XYLT1: variants seen among roughly 807,000 people sequenced by gnomAD.
XYLT1 encodes the protein beta-D-xylosyltransferase 1.
A neutral mutation model predicts 91.3 loss-of-function variants in XYLT1; 36 were observed. That is an observed-to-expected ratio of 0.39 (90% confidence interval 0.30 to 0.52). The LOEUF (loss-of-function observed/expected upper bound fraction) is 0.52, where lower values mean the gene tolerates loss of function less well. XYLT1 is among the 20% of genes least tolerant of loss of function. The pLI is 0.68. For synonymous variants in XYLT1, 588 were observed against 532.0 expected (o/e 1.11, Z -1.45); for missense variants, 1,242 against 1,284.5 (o/e 0.97, Z 0.51).
Position 17,109,025 on chromosome 16 carries a change from C to G in XYLT1, c.2558-8G>C, listed in dbSNP as rs372238772. ...GCAGCTTCAGTGCCTCCTCTGAAAG[C>G]CAAAGGGAACAATTTCAGGATCAGA... On this transcript the variant is annotated splice_polypyrimidine_tract_variant and splice_region_variant and intron_variant, in intron 11 of 11. Transcript: ENST00000261381. 3.3e-6 allele frequency: 5 copies of G among 1,499,026 alleles called. No individual in the cohort carries two copies. Among genetic ancestry groups the G allele is most frequent in the Non-Finnish European group, 4.5e-6 (5 of 1,121,478 alleles). The allele number at this position is 1,499,026 out of a possible 1,614,324, so 92.9% of individuals were successfully genotyped here. A position where few individuals can be genotyped will look rare whatever the true frequency, so the allele number is the denominator to read the frequency against.
chr16:17,212,881 C>T (rs1170079014), intron 3 of XYLT1, among the ~76,000 whole-genome samples: 3 of 152,226 alleles, frequency 2.0e-5, no homozygotes, highest in South Asian at 2.1e-4. Context: ...GAAAACGCTG[C>T]GCTGTGGCCT....
chr16:17,338,556 A>G (rs1215152660), intron 2 of XYLT1: 1 of 455,082 alleles, frequency 2.2e-6, no homozygotes, highest in Non-Finnish European at 4.4e-6. Context: ...CAATATTTTC[A>G]TCTCTGTTCT....
chr16:17,469,194 A>G (rs1042359453), intron 1 of XYLT1, among the ~76,000 whole-genome samples: 9 of 152,248 alleles, frequency 5.9e-5, no homozygotes, highest in African/African-American at 1.9e-4. Flanking sequence ...CAGCTCAGAA[A>G]GCATCACGCT....
chr16:17,169,521 G>A (rs889302567), intron 5 of XYLT1, among the ~76,000 whole-genome samples: 1 of 152,194 alleles, frequency 6.6e-6, no homozygotes. Context: ...CTATCAATGA[G>A]AACTCTTAAC....
chr16:17,358,308 A>G (rs1244115041), intron 1 of XYLT1, among the ~76,000 whole-genome samples: 4 of 151,822 alleles, frequency 2.6e-5, no homozygotes, highest in Non-Finnish European at 5.9e-5. Context: ...TTTTTTAAAA[A>G]ATTATTTTTG....
At chr16:17,219,021 C>T (rs189299164) in intron 3 of XYLT1, among the ~76,000 whole-genome samples, 10 of 152,188 alleles carry the variant, frequency 6.6e-5, no homozygotes, top group African/African-American at 2.4e-4. Context: ...GTGGCTCATG[C>T]CTGTAATCCC....
chr16:17,110,001 T>C (rs1966831440), intron 11 of XYLT1, among the ~76,000 whole-genome samples: 1 of 152,200 alleles, frequency 6.6e-6, no homozygotes, highest in Admixed American at 6.5e-5. Flanking sequence ...GCTGCCTTGC[T>C]GGGCCCCTCC....
At chr16:17,438,168 T>C (rs2036484932) in intron 1 of XYLT1, among the ~76,000 whole-genome samples, 1 of 152,138 alleles carries the variant, frequency 6.6e-6, no homozygotes, top group South Asian at 2.1e-4. Context: ...AATTCTAGAA[T>C]TTCCCCACAG....
At chr16:17,204,174 T>G (rs772166649) in intron 3 of XYLT1, among the ~76,000 whole-genome samples, 1 of 152,138 alleles carries the variant, frequency 6.6e-6, no homozygotes, top group African/African-American at 2.4e-5. Flanking sequence ...ATATAGAGGA[T>G]AGGTGTAAGG....
At chr16:17,338,703 G>A (rs562318949) in intron 2 of XYLT1, 5 of 357,418 alleles carry the variant, frequency 1.4e-5, no homozygotes, top group African/African-American at 8.5e-5. Context: ...TCCCGTCTCA[G>A]CTTCCAAAGT....
At chr16:17,119,525 TAGG>T (rs775423947) in intron 10 of XYLT1, among the ~76,000 whole-genome samples, 1 of 152,220 alleles carries the variant, frequency 6.6e-6, no homozygotes, top group Non-Finnish European at 1.5e-5. Flanking sequence ...GCAGGGGAAA[TAGG>T]AGCTGATCTA....
chr16:17,434,715 A>C (rs1473278835), intron 1 of XYLT1, among the ~76,000 whole-genome samples: 1 of 152,118 alleles, frequency 6.6e-6, no homozygotes. Flanking sequence ...TGATAATTAC[A>C]AAATTAGCCA....
chr16:17,380,337 C>A (rs1044932166), intron 1 of XYLT1, among the ~76,000 whole-genome samples: 1 of 152,132 alleles, frequency 6.6e-6, no homozygotes, highest in Middle Eastern at 3.4e-3. Flanking sequence ...GTGGTTGGAG[C>A]GAGATGTGCC....
rs774858252 is a variant in XYLT1 at position 17,338,223 on chromosome 16, G to A, written c.402+19789C>T. ...CTCACTTCTGCAATCCATTCCCCAC[G>A]AAGCAGCCAGAGTGATCATCTCAAA... is the stretch of plus-strand genomic sequence containing the variant. On this transcript the variant is annotated intron_variant, in intron 2 of 11. Coordinates refer to ENST00000261381, the MANE Select transcript of XYLT1 (RefSeq NM_022166.4). 13 of 456,248 alleles carry A rather than the reference G, an allele frequency of 2.8e-5. 1 individual carries two copies. The highest frequency in any genetic ancestry group is 6.9e-5 in the East Asian group (1 of 14,396). 28.3% of individuals were successfully genotyped at this position (456,248 alleles called of 1,614,324 possible).
At chr16:17,267,256 A>G (rs1021869909) in intron 2 of XYLT1, among the ~76,000 whole-genome samples, 1 of 152,202 alleles carries the variant, frequency 6.6e-6, no homozygotes, top group Non-Finnish European at 1.5e-5. Context: ...TACTTTGCAA[A>G]TGTAAGGTGG....
intron 1 of XYLT1, among the ~76,000 whole-genome samples, chr16:17,368,790 C>A (rs984249583): frequency 3.9e-5 from 6 of 151,998 alleles, no homozygotes; most frequent in African/African-American, 1.4e-4. Context: ...TCCTATGTTG[C>A]CCAGGCTGGT....
At chr16:17,129,041 C>T (rs1412628672) in intron 9 of XYLT1, among the ~76,000 whole-genome samples, 4 of 131,126 alleles carry the variant, frequency 3.1e-5, no homozygotes, top group African/African-American at 5.5e-5. Context: ...AAATCATTGC[C>T]TTGTTACTGG....
intron 2 of XYLT1, among the ~76,000 whole-genome samples, chr16:17,305,541 G>A (rs1035333926): frequency 4.5e-4 from 68 of 150,964 alleles, no homozygotes; most frequent in South Asian, 2.1e-4. Context: ...TCAGCCTCCC[G>A]AGTAGCTAGG....
At chr16:17,206,538 A>G (rs2032648880) in intron 3 of XYLT1, among the ~76,000 whole-genome samples, 1 of 152,062 alleles carries the variant, frequency 6.6e-6, no homozygotes, top group Admixed American at 6.6e-5. Context: ...AATCTCAAAG[A>G]CTAGTAACGC....
Sources: gnomAD v4.1 joint callset for allele counts (sites outside exome capture counted in the v4.1 genomes callset) on GRCh38, gnomAD v4.1.1 for gene constraint, MANE v1.5 for transcripts, NCBI Gene and HGNC (gene_info 2026-07-23, HGNC 2026-07-21) for gene names.